Variants in C19orf47 observed in about 807,000 individuals in gnomAD.
C19orf47 encodes chromosome 19 open reading frame 47, also known as uncharacterized protein C19orf47.
Under a neutral mutation model 32.3 loss-of-function variants are expected in C19orf47, and 18 were observed. The observed-to-expected ratio is 0.56, with a 90% CI of 0.39 to 0.83. The LOEUF is 0.83. Among genes scored for constraint, C19orf47 ranks in the 40% least tolerant of loss-of-function variants. C19orf47 has a pLI of 0.00. For synonymous variants in C19orf47, 202 were observed against 211.1 expected (o/e 0.96, Z 0.37); for missense variants, 484 against 531.6 (o/e 0.91, Z 0.88).
Position 40,345,848 on chromosome 19 carries a change from C to G in C19orf47, c.-34+2476G>C, listed in dbSNP as rs568098425. On this transcript the variant is annotated intron_variant, in intron 1 of 8. Coordinates refer to ENST00000683109, the MANE Select transcript of C19orf47 (RefSeq NM_001256441.2). ...TGGGCAACAGAGCAAGACTCAGTCT[C>G]AAAAAAAAAAAAAAAAAAAGGAAAG... 4.0e-5 allele frequency among the ~76,000 whole-genome samples: 3 copies of G among 75,242 alleles called. No homozygotes were observed. The East Asian group carries it at 1.1e-3, about 28-fold the overall frequency. The allele number at this position is 75,242 out of a possible 152,430, so 49.4% of individuals were successfully genotyped here. A position where few individuals can be genotyped will look rare whatever the true frequency, so the allele number is the denominator to read the frequency against.
chr19:40,294,390 G>A, the C19orf47 span, among the ~76,000 whole-genome samples: 65 of 152,086 alleles, frequency 4.3e-4, no homozygotes, highest in African/African-American at 1.5e-3. Flanking sequence ...GTGCGAACTA[G>A]TTCTTGTATA....
chr19:40,326,279 T>C lies in C19orf47; in HGVS notation c.592+55A>G, dbSNP rs145750135. On this transcript the variant is annotated intron_variant, in intron 7 of 8. Transcript: ENST00000683109. ...GTAGGATATGACGGGCCCTGTGTGA[T>C]GCAGAGGGAGGGACATGGACCCCGC... 54 of 1,602,570 alleles carry C rather than the reference T, an allele frequency of 3.4e-5. No individual in the cohort carries two copies. The East Asian group carries it at 1.2e-3, about 35-fold the overall frequency.
chr19:40,297,086 C>T, the C19orf47 span, among the ~76,000 whole-genome samples: 1 of 152,194 alleles, frequency 6.6e-6, no homozygotes, highest in South Asian at 2.1e-4. Context: ...TTCAAGTTCA[C>T]ATGACTTGGG....
the C19orf47 span, among the ~76,000 whole-genome samples, chr19:40,305,713 T>C: frequency 1.3e-5 from 2 of 152,130 alleles, no homozygotes; most frequent in African/African-American, 4.8e-5. Flanking sequence ...TGATCCTGAA[T>C]TGGATTCCAA....
At chr19:40,333,306 T>TAAATAAATAAAAAAAA (rs1250130712) in intron 5 of C19orf47, among the ~76,000 whole-genome samples, 4 of 150,640 alleles carry the variant, frequency 2.7e-5, no homozygotes, top group African/African-American at 9.8e-5. Context: ...AATAAATAAA[T>TAAATAAATAAAAAAAA]AAAATGGCCC....
At chr19:40,345,941 G>A (rs1239915871) in intron 1 of C19orf47, among the ~76,000 whole-genome samples, 1 of 151,064 alleles carries the variant, frequency 6.6e-6, no homozygotes, top group Admixed American at 6.6e-5. Context: ...TGGATCACAA[G>A]GTCAGGAGTT....
chr19:40,305,004 G>T, the C19orf47 span, among the ~76,000 whole-genome samples: 3 of 152,080 alleles, frequency 2.0e-5, no homozygotes, highest in African/African-American at 7.2e-5. Flanking sequence ...TGAGGTGGGC[G>T]GATCACTTGA....
chr19:40,301,894 T>A, the C19orf47 span, among the ~76,000 whole-genome samples: 1 of 150,878 alleles, frequency 6.6e-6, no homozygotes, highest in Admixed American at 6.6e-5. Flanking sequence ...GCACAGTGGC[T>A]CATGCCTGTA....
chr19:40,323,343 G>A (rs1231508283), intron 8 of C19orf47, among the ~76,000 whole-genome samples: 1 of 152,246 alleles, frequency 6.6e-6, no homozygotes, highest in Non-Finnish European at 1.5e-5. Context: ...ATACAGATGA[G>A]GAGGCTGAAG....
At chr19:40,337,259 C>T (rs965724832) in intron 2 of C19orf47, among the ~76,000 whole-genome samples, 3 of 151,202 alleles carry the variant, frequency 2.0e-5, no homozygotes, top group Non-Finnish European at 4.4e-5. Flanking sequence ...TGATGCTTGA[C>T]CCAGAGGACA....
intron 5 of C19orf47, among the ~76,000 whole-genome samples, chr19:40,330,579 C>G (rs959571761): frequency 1.5e-5 from 2 of 131,356 alleles, no homozygotes; most frequent in African/African-American, 2.9e-5. Context: ...CAGGGTCCCA[C>G]TCTGTTGCCC....
At chr19:40,346,155 C>CAA (rs111655238) in intron 1 of C19orf47, among the ~76,000 whole-genome samples, 6 of 85,690 alleles carry the variant, frequency 7.0e-5, no homozygotes, top group Admixed American at 1.3e-4. Context: ...GACTCCATCT[C>CAA]AAAAAAAAAA....
the C19orf47 span, among the ~76,000 whole-genome samples, chr19:40,304,790 C>A: frequency 6.6e-6 from 1 of 151,934 alleles, no homozygotes. Context: ...TAGAAGGGTA[C>A]AGGGAAGCCA....
Position 40,328,420 on chromosome 19 carries a change from C to T in C19orf47, c.432G>A (p.Lys144=), listed in dbSNP as rs1476808986. The T allele has an allele frequency of 3.1e-6, 5 of 1,612,802 alleles. No individual in the cohort carries two copies. Among genetic ancestry groups the T allele is most frequent in the Admixed American group, 3.3e-5 (2 of 59,850 alleles). ...VSNKMAAKSA[K]ATAALARREE... ...CTGCCCATGTTCCCTCACCAGTGGC[C>T]TTGGCACTCTTTGCTGCCATCTTGT... The change falls in exon 6 of 9, where the codon AAG becomes AAA. Residue 144 remains lysine (K), a synonymous_variant. Transcript: ENST00000683109.
chr19:40,331,618 AC>A (rs869078702), intron 5 of C19orf47, among the ~76,000 whole-genome samples: 3 of 61,036 alleles, frequency 4.9e-5, no homozygotes, highest in Non-Finnish European at 1.5e-4. Flanking sequence ...AGCCTGGGCA[AC>A]AGAGTGAGAC....
downstream of C19orf47, among the ~76,000 whole-genome samples, chr19:40,317,713 C>A (rs986230107): frequency 7.7e-6 from 1 of 130,002 alleles, no homozygotes; most frequent in African/African-American, 3.6e-5. Flanking sequence ...AGTCCAAATC[C>A]ACTGTTTTTT....
downstream of C19orf47, among the ~76,000 whole-genome samples, chr19:40,318,038 A>G (rs2077674893): frequency 6.6e-6 from 1 of 151,396 alleles, no homozygotes; most frequent in Non-Finnish European, 1.5e-5. Context: ...CTGTCTTAAG[A>G]CCTCCGCCTT....
chr19:40,312,653 G>A, the C19orf47 span, among the ~76,000 whole-genome samples: 1 of 152,326 alleles, frequency 6.6e-6, no homozygotes, highest in South Asian at 2.1e-4. Context: ...AAGAAGTCAT[G>A]TGTAGGCATT....
In C19orf47 at chr19:40,322,108, G is replaced by A. The variant is rs374417429; in HGVS notation, c.932C>T (p.Ser311Phe). The change falls in exon 9 of 9, where the codon TCT becomes TTT. Residue 311 changes from serine (S) to phenylalanine (F), a missense_variant. Physicochemically the swap from Ser to Phe is radical, Grantham distance 155. This residue lies in a region of C19orf47 where 376 missense variants were observed against 370.2 expected (regional missense o/e 1.02). Coordinates refer to ENST00000683109, the MANE Select transcript of C19orf47 (RefSeq NM_001256441.2). Reference sequence around the variant, plus strand: ...CAGTCTCTTGATGATGCTGACTTTAGACAAGGACTCCGGCTTCCTCTCAAG... The same window carrying A: ...CAGTCTCTTGATGATGCTGACTTTAAACAAGGACTCCGGCTTCCTCTCAAG... ...SGLERKPESL[S>F]KVSIIKRLGA... The A allele has an allele frequency of 4.3e-6, 7 of 1,614,152 alleles. No homozygotes were observed. The highest frequency in any genetic ancestry group is 1.3e-5 in the African/African-American group (1 of 75,078).
Sources: allele counts gnomAD v4.1 joint callset (sites outside exome capture counted in the v4.1 genomes callset), GRCh38; gene constraint gnomAD v4.1.1; regional missense constraint gnomAD v4.1.1; transcripts MANE v1.5; gene names NCBI Gene and HGNC (gene_info 2026-07-23, HGNC 2026-07-21).